Variants in DOCK4 observed in about 807,000 individuals in gnomAD.
The protein encoded by DOCK4 is dedicator of cytokinesis protein 4.
Under a neutral mutation model 268.1 loss-of-function variants are expected in DOCK4, and 97 were observed. The ratio of observed to expected loss-of-function variants is 0.36; its 90% CI spans 0.31 to 0.43. The LOEUF (loss-of-function observed/expected upper bound fraction) is 0.43, where lower values mean the gene tolerates loss of function less well. Among genes scored for constraint, DOCK4 ranks in the 20% least tolerant of loss-of-function variants. The pLI, the probability that DOCK4 is intolerant of heterozygous loss-of-function variation, is 1.00. For missense variants in DOCK4, 2,145 were observed against 2,455.7 expected, an observed-to-expected ratio of 0.87 and a Z score of 2.67; for synonymous variants, 954 against 887.2, an observed-to-expected ratio of 1.08 and a Z score of -1.34.
chr7:111,799,664 GTAAC>G lies in DOCK4; in HGVS notation c.3167-9063_3167-9060del, dbSNP rs1382079397. On this transcript the variant is annotated intron_variant, in intron 30 of 52. Coordinates refer to ENST00000428084, the MANE Select transcript of DOCK4 (RefSeq NM_001363540.2). ...TTAAGCTAAAACTCATAAAAAATAA[GTAAC>G]TAAGTAAGGGCTATTCATCTTAATC... is the stretch of plus-strand genomic sequence containing the variant. Among the ~76,000 whole-genome samples the G allele has an allele frequency of 2.6e-5, 4 of 152,266 alleles. No homozygotes were observed. In the East Asian group the frequency reaches 7.7e-4, roughly 29 times the overall value.
chr7:112,115,236 C>A (rs1812022686), intron 1 of DOCK4, among the ~76,000 whole-genome samples: 1 of 152,224 alleles, frequency 6.6e-6, no homozygotes, highest in Non-Finnish European at 1.5e-5. Flanking sequence ...AGAAAAAAAT[C>A]TATTCCAAAG....
At chr7:111,934,662 T>C (rs987233519) in intron 12 of DOCK4, among the ~76,000 whole-genome samples, 15 of 151,292 alleles carry the variant, frequency 9.9e-5, no homozygotes, top group South Asian at 4.2e-4. Flanking sequence ...CCGGAGTAGC[T>C]GGGACTACAG....
intron 42 of DOCK4, among the ~76,000 whole-genome samples, chr7:111,748,220 G>T (rs749081519): frequency 1.3e-5 from 2 of 152,050 alleles, no homozygotes. Flanking sequence ...GTTCATTCAG[G>T]CAAGGAAACA....
chr7:112,202,580 T>C (rs1821040286), intron 1 of DOCK4, among the ~76,000 whole-genome samples: 1 of 152,000 alleles, frequency 6.6e-6, no homozygotes, highest in Admixed American at 6.6e-5. Context: ...ACACCATAAA[T>C]ATATACAGCT....
At chr7:112,092,503 C>T (rs1175641911) in intron 1 of DOCK4, among the ~76,000 whole-genome samples, 2 of 152,086 alleles carry the variant, frequency 1.3e-5, no homozygotes, top group African/African-American at 4.8e-5. Flanking sequence ...TTGCTAACGA[C>T]CTAACGGCGC....
chr7:112,154,110 C>A (rs1211598285), intron 1 of DOCK4, among the ~76,000 whole-genome samples: 1 of 151,922 alleles, frequency 6.6e-6, no homozygotes, highest in Non-Finnish European at 1.5e-5. Context: ...TAGCTGGGAC[C>A]ACGAGCATTT....
chr7:111,797,012 C>T (rs946568213), intron 30 of DOCK4, among the ~76,000 whole-genome samples: 14 of 152,140 alleles, frequency 9.2e-5, no homozygotes, highest in African/African-American at 2.7e-4. Flanking sequence ...CATACAGAAA[C>T]GAAGAAGACT....
At chr7:111,767,557 T>C (rs971789444) in intron 37 of DOCK4, among the ~76,000 whole-genome samples, 9 of 152,158 alleles carry the variant, frequency 5.9e-5, no homozygotes, top group African/African-American at 1.9e-4. Context: ...CCTTGAGACT[T>C]CAAGCTTGAA....
chr7:111,832,889 A>G (rs886537165), intron 26 of DOCK4, among the ~76,000 whole-genome samples: 1 of 152,178 alleles, frequency 6.6e-6, no homozygotes, highest in Non-Finnish European at 1.5e-5. Context: ...CTGAAATGAG[A>G]AAAGTCCACA....
intron 10 of DOCK4, among the ~76,000 whole-genome samples, chr7:111,942,086 C>T (rs2134779602): frequency 6.6e-6 from 1 of 152,218 alleles, no homozygotes; most frequent in African/African-American, 2.4e-5. Flanking sequence ...CTTTGGGAAA[C>T]CCGATCAGAT....
At chr7:111,945,833 T>C (rs1373022551) in intron 8 of DOCK4, 35 bp from the exon 9 acceptor site, 2 of 1,481,556 alleles carry the variant, frequency 1.3e-6, no homozygotes, top group South Asian at 1.2e-5. Context: ...ATTTGAAAAT[T>C]ATTTAATAGT....
chr7:112,071,154 T>A (rs1807548204), intron 1 of DOCK4, among the ~76,000 whole-genome samples: 1 of 152,218 alleles, frequency 6.6e-6, no homozygotes, highest in South Asian at 2.1e-4. Flanking sequence ...ATTTTGTTTT[T>A]AAAATAATAG....
chr7:111,743,098 T>G (rs1170217387), intron 44 of DOCK4, among the ~76,000 whole-genome samples: 3 of 152,136 alleles, frequency 2.0e-5, no homozygotes, highest in African/African-American at 4.8e-5. Context: ...TTTCCTGCAG[T>G]GAGGATCCGA....
intron 27 of DOCK4, among the ~76,000 whole-genome samples, chr7:111,815,545 T>C (rs1252598287): frequency 6.6e-6 from 1 of 152,140 alleles, no homozygotes; most frequent in Non-Finnish European, 1.5e-5. Context: ...AACTCAATAG[T>C]CAAAAAAGAT....
chr7:112,085,705 A>C (rs1315913152), intron 1 of DOCK4, among the ~76,000 whole-genome samples: 1 of 152,190 alleles, frequency 6.6e-6, no homozygotes, highest in African/African-American at 2.4e-5. Context: ...GACAGTGATC[A>C]TCAATGGATG....
chr7:112,036,567 A>C (rs955904508), intron 1 of DOCK4, among the ~76,000 whole-genome samples: 1 of 152,130 alleles, frequency 6.6e-6, no homozygotes, highest in Non-Finnish European at 1.5e-5. Flanking sequence ...TATATAACAA[A>C]GGGTACGGAT....
rs913570244 is a variant in DOCK4 at position 111,969,894 on chromosome 7, C to T, written c.701+7238G>A. On this transcript the variant is annotated intron_variant, in intron 8 of 52. Transcript: ENST00000428084. ...TGCTAAGTAGTTTGCTTGTATGTAA[C>T]AAAAACTCATATGCCCAATCCTACA... 1.3e-5 allele frequency among the ~76,000 whole-genome samples: 2 copies of T among 152,166 alleles called. 1 individual carries two copies. The highest frequency in any genetic ancestry group is 4.1e-4 in the South Asian group (2 of 4,830).
At chr7:111,874,420 T>C (rs146962593) in intron 17 of DOCK4, among the ~76,000 whole-genome samples, 13 of 152,102 alleles carry the variant, frequency 8.5e-5, no homozygotes, top group African/African-American at 3.1e-4. Context: ...GTCCAGAAAA[T>C]GAGTCAGGAT....
At chr7:112,078,859 C>T (rs2135707852) in intron 1 of DOCK4, among the ~76,000 whole-genome samples, 1 of 152,260 alleles carries the variant, frequency 6.6e-6, no homozygotes, top group East Asian at 1.9e-4. Flanking sequence ...GGTGCGGTGG[C>T]TCACACCTGT....
Sources: gnomAD v4.1 joint callset for allele counts (sites outside exome capture counted in the v4.1 genomes callset) on GRCh38, gnomAD v4.1.1 for gene constraint, MANE v1.5 for transcripts, NCBI Gene and HGNC (gene_info 2026-07-23, HGNC 2026-07-21) for gene names.